PDE4D: variants seen among roughly 807,000 people sequenced by gnomAD.
PDE4D encodes the protein 3',5'-cyclic-AMP phosphodiesterase 4D.
A neutral mutation model predicts 87.4 loss-of-function variants in PDE4D; 24 were observed. The observed-to-expected ratio is 0.27, with a 90% CI of 0.20 to 0.39. PDE4D has a LOEUF of 0.39. Ranked by LOEUF, PDE4D falls within the 10% of genes least tolerant of loss-of-function variation. The probability of loss-of-function intolerance (pLI) is 1.00; values close to 1 mark genes in which losing one functional copy is unlikely to be tolerated. For missense variants in PDE4D, 714 were observed against 1,041.0 expected (o/e 0.69, Z 4.32); for synonymous variants, 384 against 383.2 (o/e 1.00, Z -0.02).
intron 1 of PDE4D, among the ~76,000 whole-genome samples, chr5:59,472,563 C>T (rs189145899): frequency 6.6e-6 from 1 of 152,256 alleles, no homozygotes; most frequent in Admixed American, 6.5e-5. Flanking sequence ...ACGAATATAA[C>T]ATTTCCATTA....
chr5:59,972,085 C>T (rs924565792), intron 3 of PDE4D, among the ~76,000 whole-genome samples: 2 of 152,120 alleles, frequency 1.3e-5, no homozygotes, highest in Non-Finnish European at 2.9e-5. Context: ...CCCTTCCACT[C>T]GATAGTGGCA....
At chr5:60,301,061 G>A (rs1372234468) in intron 1 of PDE4D, among the ~76,000 whole-genome samples, 3 of 152,080 alleles carry the variant, frequency 2.0e-5, no homozygotes, top group Non-Finnish European at 4.4e-5. Context: ...GAGCCAATGC[G>A]CCCAGCCTTC....
chr5:58,974,608 C>T lies in PDE4D; in HGVS notation c.*56G>A. 1 of 1,488,194 alleles carries T rather than the reference C, an allele frequency of 6.7e-7. No individual in the cohort carries two copies. Among genetic ancestry groups the T allele is most frequent in the Non-Finnish European group, 9.0e-7 (1 of 1,111,126 alleles). 92.2% of individuals were successfully genotyped at this position (1,488,194 alleles called of 1,614,324 possible). On this transcript the variant is annotated 3_prime_UTR_variant, in exon 15 of 15. Transcript: ENST00000340635. ...CCGTGGTTGTGGCATGTGACATGCA[C>T]TTTGGAAACAATTTTTCTACTTAAA...
chr5:59,363,941 T>G (rs1219519407), intron 1 of PDE4D, among the ~76,000 whole-genome samples: 1 of 152,176 alleles, frequency 6.6e-6, no homozygotes, highest in Non-Finnish European at 1.5e-5. Flanking sequence ...GTATGCATTG[T>G]GCACTGCCCT....
intron 1 of PDE4D, among the ~76,000 whole-genome samples, chr5:59,580,408 T>C (rs1364396111): frequency 6.6e-6 from 1 of 152,126 alleles, no homozygotes; most frequent in Non-Finnish European, 1.5e-5. Flanking sequence ...ATCTCTTCCA[T>C]GAAGTATATG....
At chr5:60,297,621 T>A (rs1753525535) in intron 1 of PDE4D, among the ~76,000 whole-genome samples, 1 of 152,200 alleles carries the variant, frequency 6.6e-6, no homozygotes, top group Non-Finnish European at 1.5e-5. Flanking sequence ...TTCTATCCAA[T>A]TGTATAATCA....
intron 3 of PDE4D, among the ~76,000 whole-genome samples, chr5:59,971,735 C>T (rs914613556): frequency 2.0e-5 from 3 of 152,090 alleles, no homozygotes; most frequent in Middle Eastern, 3.2e-3. Flanking sequence ...TCAATCTTCC[C>T]CTTTGGTTTT....
At chr5:59,716,601 A>G (rs1477679801) in intron 1 of PDE4D, among the ~76,000 whole-genome samples, 1 of 152,222 alleles carries the variant, frequency 6.6e-6, no homozygotes, top group African/African-American at 2.4e-5. Flanking sequence ...CGGACCTCAA[A>G]GAAACTCTCC....
At chr5:60,460,450 G>T (rs748253972) in intron 1 of PDE4D, 5 of 1,504,040 alleles carry the variant, frequency 3.3e-6, no homozygotes, top group Admixed American at 1.7e-5. Flanking sequence ...GACAAATGTT[G>T]TTACCCCAAA....
intron 1 of PDE4D, among the ~76,000 whole-genome samples, chr5:59,632,412 C>T (rs1831688122): frequency 6.6e-6 from 1 of 152,228 alleles, no homozygotes; most frequent in South Asian, 2.1e-4. Context: ...AGACTCCCTC[C>T]TCAAGTTGGC....
chr5:59,612,229 A>C (rs560647768), intron 1 of PDE4D, among the ~76,000 whole-genome samples: 21 of 40,888 alleles, frequency 5.1e-4, no homozygotes, highest in Admixed American at 2.7e-3. Flanking sequence ...CTTGATTGAC[A>C]CTGTTTTTTT....
At chr5:60,002,982 T>C (rs532031435) in intron 2 of PDE4D, among the ~76,000 whole-genome samples, 1 of 152,222 alleles carries the variant, frequency 6.6e-6, no homozygotes, top group South Asian at 2.1e-4. Flanking sequence ...GCAGATGACA[T>C]TTTCTATATT....
At chr5:59,947,278 C>A (rs1757822081) in intron 3 of PDE4D, among the ~76,000 whole-genome samples, 1 of 152,178 alleles carries the variant, frequency 6.6e-6, no homozygotes, top group South Asian at 2.1e-4. Flanking sequence ...GAGTAACTTC[C>A]TGATATCCCT....
intron 1 of PDE4D, among the ~76,000 whole-genome samples, chr5:60,410,160 A>ACTAGC (rs1383924979): frequency 6.6e-6 from 1 of 152,182 alleles, no homozygotes; most frequent in Non-Finnish European, 1.5e-5. Flanking sequence ...TTAGAAAGTG[A>ACTAGC]CTAGCTGAGA....
At chr5:59,399,526 C>T (rs1790180406) in intron 1 of PDE4D, among the ~76,000 whole-genome samples, 1 of 133,820 alleles carries the variant, frequency 7.5e-6, no homozygotes, top group South Asian at 2.5e-4. Context: ...ACTGGCTAGC[C>T]ATATTTAGAA....
chr5:59,743,320 C>T (rs1759132591), intron 1 of PDE4D, among the ~76,000 whole-genome samples: 1 of 152,118 alleles, frequency 6.6e-6, no homozygotes. Flanking sequence ...AAACCTTGAT[C>T]TATTCAAAAC....
intron 1 of PDE4D, among the ~76,000 whole-genome samples, chr5:60,267,916 C>T (rs934050133): frequency 8.5e-5 from 13 of 152,222 alleles, no homozygotes; most frequent in Non-Finnish European, 7.3e-5. Context: ...CACTCTTCCA[C>T]GTTCATTCCC....
chr5:60,432,820 G>A (rs37686), intron 1 of PDE4D, among the ~76,000 whole-genome samples: 15,830 of 152,098 alleles, frequency 0.1, 1,335 homozygotes, highest in East Asian at 0.4. Context: ...ACAAAAACAA[G>A]CAATGGGGAA....
intron 1 of PDE4D, among the ~76,000 whole-genome samples, chr5:60,338,998 CT>C (rs1758066823): frequency 6.6e-6 from 1 of 152,112 alleles, no homozygotes. Context: ...CTGTTTATGT[CT>C]TCCGCCCACA....
Sources: gnomAD v4.1 joint callset for allele counts (sites outside exome capture counted in the v4.1 genomes callset) on GRCh38, gnomAD v4.1.1 for gene constraint, MANE v1.5 for transcripts, NCBI Gene and HGNC (gene_info 2026-07-23, HGNC 2026-07-21) for gene names.